ZBTB20: variants seen among roughly 807,000 people sequenced by gnomAD.
ZBTB20 encodes the protein zinc finger and BTB domain-containing protein 20.
In ZBTB20, 9 loss-of-function variants were observed where a neutral mutation model predicts 56.9. That is an observed-to-expected ratio of 0.16 (90% CI 0.10 to 0.28). The LOEUF (loss-of-function observed/expected upper bound fraction) is 0.28, where lower values mean the gene tolerates loss of function less well. Ranked by LOEUF, ZBTB20 falls within the 10% of genes least tolerant of loss-of-function variation. The pLI, the probability that ZBTB20 is intolerant of heterozygous loss-of-function variation, is 1.00. For synonymous variants in ZBTB20, 417 were observed against 420.7 expected, an observed-to-expected ratio of 0.99 and a Z score of 0.11; for missense variants, 655 against 1,003.0, an observed-to-expected ratio of 0.65 and a Z score of 4.69.
chr3:114,579,046 A>G (rs1261222635), intron 6 of ZBTB20, among the ~76,000 whole-genome samples: 1 of 151,790 alleles, frequency 6.6e-6, no homozygotes, highest in Admixed American at 6.6e-5. Flanking sequence ...TACTAAGAAG[A>G]AGGTCAGAAA....
intron 3 of ZBTB20, among the ~76,000 whole-genome samples, chr3:114,933,316 C>T (rs2076422868): frequency 3.3e-5 from 5 of 152,196 alleles, no homozygotes; most frequent in Admixed American, 3.3e-4. Context: ...CAAGTTACTG[C>T]TATGGGAAAT....
At chr3:114,891,563 A>G (rs551500821) in intron 4 of ZBTB20, among the ~76,000 whole-genome samples, 1 of 152,312 alleles carries the variant, frequency 6.6e-6, no homozygotes, top group Non-Finnish European at 1.5e-5. Context: ...AATATTATCA[A>G]TATTGAACCC....
chr3:114,715,249 A>G (rs2064385520), intron 5 of ZBTB20, among the ~76,000 whole-genome samples: 1 of 152,178 alleles, frequency 6.6e-6, no homozygotes, highest in South Asian at 2.1e-4. Flanking sequence ...ATACTTGGCC[A>G]TTTCCTGTAG....
chr3:114,743,572 C>A (rs565088453), intron 5 of ZBTB20: 40 of 154,190 alleles, frequency 2.6e-4, no homozygotes, highest in African/African-American at 8.9e-4. Flanking sequence ...GTACTTAAGC[C>A]ATATCATCCT....
At chr3:114,970,859 C>CA (rs1232066832) in intron 3 of ZBTB20, among the ~76,000 whole-genome samples, 1 of 151,934 alleles carries the variant, frequency 6.6e-6, no homozygotes, top group Non-Finnish European at 1.5e-5. Flanking sequence ...ACTAAAAATA[C>CA]AAAAAATTAG....
At chr3:114,951,783 C>T (rs2077075193) in intron 3 of ZBTB20, among the ~76,000 whole-genome samples, 2 of 151,988 alleles carry the variant, frequency 1.3e-5, no homozygotes, top group African/African-American at 4.8e-5. Context: ...AACATGTGAA[C>T]TCATATGAGA....
chr3:115,007,857 A>G lies in ZBTB20; in HGVS notation c.-506-33441T>C, dbSNP rs531366991. ...GACTTGACCTTACTTTATATCTCAG[A>G]TGTTTTGACATTCTTGACAACTCCT... On this transcript the variant is annotated intron_variant, in intron 2 of 11. Coordinates refer to ENST00000675478, the MANE Select transcript of ZBTB20 (RefSeq NM_001348800.3). Among the ~76,000 whole-genome samples the G allele has an allele frequency of 2.6e-5, 4 of 151,888 alleles. No individual in the cohort carries two copies. The South Asian group carries it at 8.3e-4, about 32-fold the overall frequency.
chr3:114,838,820 T>TA (rs1447993127), intron 4 of ZBTB20, among the ~76,000 whole-genome samples: 1 of 152,076 alleles, frequency 6.6e-6, no homozygotes, highest in Non-Finnish European at 1.5e-5. Flanking sequence ...TATACCAAAA[T>TA]AGACTGTAGT....
chr3:115,087,187 T>C (rs2083017339), intron 1 of ZBTB20, among the ~76,000 whole-genome samples: 1 of 151,832 alleles, frequency 6.6e-6, no homozygotes, highest in South Asian at 2.1e-4. Flanking sequence ...TATCAAAATT[T>C]AGCTTATGTT....
chr3:115,064,126 G>A (rs1204945926), intron 2 of ZBTB20, among the ~76,000 whole-genome samples: 2 of 151,984 alleles, frequency 1.3e-5, no homozygotes, highest in South Asian at 2.1e-4. Context: ...CATCCCTTTC[G>A]GGAGTTCTCC....
At chr3:114,609,533 G>GA (rs1017790658) in intron 6 of ZBTB20, among the ~76,000 whole-genome samples, 3 of 152,154 alleles carry the variant, frequency 2.0e-5, no homozygotes, top group East Asian at 3.9e-4. Context: ...CACTTTGGGG[G>GA]AAAAAAACTC....
intron 7 of ZBTB20, among the ~76,000 whole-genome samples, chr3:114,500,001 T>G (rs1322126216): frequency 6.6e-6 from 1 of 152,210 alleles, no homozygotes; most frequent in Non-Finnish European, 1.5e-5. Flanking sequence ...AATACATAAT[T>G]GCCCAATGAT....
intron 4 of ZBTB20, among the ~76,000 whole-genome samples, chr3:114,801,407 A>C (rs1042652318): frequency 6.6e-6 from 1 of 150,860 alleles, no homozygotes; most frequent in African/African-American, 2.4e-5. Context: ...GAGGAGAAAA[A>C]AAGCAATTCT....
intron 6 of ZBTB20, among the ~76,000 whole-genome samples, chr3:114,688,740 C>G (rs924391325): frequency 6.6e-6 from 1 of 152,126 alleles, no homozygotes; most frequent in Non-Finnish European, 1.5e-5. Flanking sequence ...TTATAAGAGT[C>G]TTTAAACTTA....
At chr3:114,379,504 T>A (rs1318256896) in intron 10 of ZBTB20, among the ~76,000 whole-genome samples, 1 of 152,244 alleles carries the variant, frequency 6.6e-6, no homozygotes, top group Non-Finnish European at 1.5e-5. Flanking sequence ...TTAGAAGAAG[T>A]GACTCCCAGA....
chr3:114,618,318 T>C (rs1297869337), intron 6 of ZBTB20, among the ~76,000 whole-genome samples: 1 of 147,380 alleles, frequency 6.8e-6, no homozygotes, highest in Non-Finnish European at 1.5e-5. Flanking sequence ...GGTGCAATCA[T>C]AGCTCAATGC....
At chr3:114,516,754 A>C (rs775697961) in intron 6 of ZBTB20, among the ~76,000 whole-genome samples, 1 of 152,186 alleles carries the variant, frequency 6.6e-6, no homozygotes, top group Non-Finnish European at 1.5e-5. Context: ...CGATGACGGC[A>C]GAGATTGGGG....
intron 7 of ZBTB20, among the ~76,000 whole-genome samples, chr3:114,491,542 C>T (rs1228587822): frequency 6.6e-6 from 1 of 152,140 alleles, no homozygotes; most frequent in Admixed American, 6.5e-5. Context: ...TCCTTTACTC[C>T]TCCTTTCTTA....
chr3:114,535,263 A>C (rs2048328197), intron 6 of ZBTB20, among the ~76,000 whole-genome samples: 1 of 152,180 alleles, frequency 6.6e-6, no homozygotes, highest in African/African-American at 2.4e-5. Context: ...TCAAGAAGAA[A>C]AGAGAGAAGA....
Sources: gnomAD v4.1 joint callset for allele counts (sites outside exome capture counted in the v4.1 genomes callset) on GRCh38, gnomAD v4.1.1 for gene constraint, MANE v1.5 for transcripts, NCBI Gene and HGNC (gene_info 2026-07-23, HGNC 2026-07-21) for gene names.